CLTB: variants seen among roughly 807,000 people sequenced by gnomAD.
CLTB encodes the protein clathrin, light chain (Lcb).
In CLTB, 10 loss-of-function variants were observed where a neutral mutation model predicts 30.5. That is an observed-to-expected ratio of 0.33 (90% CI 0.20 to 0.56). CLTB has a LOEUF of 0.56. CLTB is among the 20% of genes least tolerant of loss of function. The pLI is 0.91. For missense variants in CLTB, 261 were observed against 308.3 expected (o/e 0.85, Z 1.15); for synonymous variants, 102 against 120.3 (o/e 0.85, Z 1.00).
rs1198265867 is a variant in CLTB, at chr5:176,392,557, T to C, written c.*217A>G. On this transcript the variant is annotated 3_prime_UTR_variant, in exon 6 of 6. Transcript: ENST00000310418. The surrounding 1 kb of genome is among the most constrained non-coding windows in gnomAD (Gnocchi z 5.2). ...AATACATCAGGAGGGACAGTCACAA[T>C]TGAGTAGACTGAGAGGAGGCGTGAG... The C allele has an allele frequency of 2.6e-5, 15 of 566,554 alleles. No individual in the cohort carries two copies. Among genetic ancestry groups the C allele is most frequent in the Non-Finnish European group, 4.1e-5 (13 of 317,314 alleles). The allele number at this position is 566,554 out of a possible 1,614,324, so 35.1% of individuals were successfully genotyped here.
At chr5:176,404,416 G>A (rs1043530436) in intron 2 of CLTB, among the ~76,000 whole-genome samples, 23 of 152,216 alleles carry the variant, frequency 1.5e-4, no homozygotes, top group African/African-American at 4.8e-4. Context: ...TTGGGGCAGC[G>A]GAGCGGAGCC....
Position 176,392,687 on chromosome 5 carries a change from GCT to G in CLTB, c.*85_*86del. On this transcript the variant is annotated 3_prime_UTR_variant, in exon 6 of 6. Transcript: ENST00000310418. The surrounding 1 kb of genome is among the most constrained non-coding windows in gnomAD (Gnocchi z 5.2). Reference sequence around the variant, plus strand: ...GTGGAATAGGCTGTGGGTAGCAGCTGCTGCGAGTCTCCACCCCGACCAAAGCA... The same window carrying G: ...GTGGAATAGGCTGTGGGTAGCAGCTGGCGAGTCTCCACCCCGACCAAAGCA... The G allele has an allele frequency of 1.4e-6, 2 of 1,476,298 alleles. No individual in the cohort carries two copies. Among genetic ancestry groups the G allele is most frequent in the Non-Finnish European group, 1.9e-6 (2 of 1,073,168 alleles). 91.4% of individuals were successfully genotyped at this position (1,476,298 alleles called of 1,614,324 possible).
intron 1 of CLTB, among the ~76,000 whole-genome samples, chr5:176,415,279 G>A (rs1265915738): frequency 2.6e-5 from 4 of 152,182 alleles, no homozygotes; most frequent in South Asian, 4.1e-4. Flanking sequence ...GGGCCCTACC[G>A]CATCTGACTG....
intron 1 of CLTB, among the ~76,000 whole-genome samples, chr5:176,412,124 C>A (rs558191620): frequency 6.8e-6 from 1 of 147,502 alleles, no homozygotes; most frequent in South Asian, 2.2e-4. Context: ...TGCAGTGAGC[C>A]GAGATCCCGC....
At chr5:176,416,104 G>A in intron 1 of CLTB, 73 bp downstream of exon 1, 1 of 1,367,604 alleles carries the variant, frequency 7.3e-7, no homozygotes, top group South Asian at 1.5e-5. Flanking sequence ...TCTCTTCCCT[G>A]TGCCCCTGGG....
At chr5:176,416,156 C>T (rs1384258840) in intron 1 of CLTB, 21 bp downstream of exon 1, 1 of 1,543,674 alleles carries the variant, frequency 6.5e-7, no homozygotes, top group South Asian at 1.2e-5. Flanking sequence ...GAGCCCCTCT[C>T]CAGGCCCCGC....
At chr5:176,414,159 C>T (rs1757581035) in intron 1 of CLTB, among the ~76,000 whole-genome samples, 1 of 152,192 alleles carries the variant, frequency 6.6e-6, no homozygotes, top group South Asian at 2.1e-4. Context: ...CACAAGGCCT[C>T]CCTCCTCTTC....
In CLTB at chr5:176,400,616, G is replaced by A. The variant is rs145913773; in HGVS notation, c.235-2569C>T. Reference sequence around the variant, plus strand: ...ACCCGCTCTGGCACCCACGCCCTCCGCATTCCTGTCTGCAGGCATCCCACT... The same window carrying A: ...ACCCGCTCTGGCACCCACGCCCTCCACATTCCTGTCTGCAGGCATCCCACT... On this transcript the variant is annotated intron_variant, in intron 2 of 5. Transcript: ENST00000310418. Among the ~76,000 whole-genome samples the A allele has an allele frequency of 5.9e-5, 9 of 152,236 alleles. No homozygotes were observed. The East Asian group carries it at 7.7e-4, about 13-fold the overall frequency.
chr5:176,398,108 C>A, intron 2 of CLTB, 61 bp from the exon 3 acceptor site: 2 of 1,492,648 alleles, frequency 1.3e-6, no homozygotes, highest in Non-Finnish European at 1.9e-6. Flanking sequence ...GTCTCTGCTG[C>A]CCCTGCTGGG....
chr5:176,395,589 C>T (rs1479022426), intron 5 of CLTB, among the ~76,000 whole-genome samples: 2 of 152,194 alleles, frequency 1.3e-5, no homozygotes, highest in Non-Finnish European at 2.9e-5. Context: ...CACCACCCTC[C>T]AGGATGTCTC....
intron 2 of CLTB, chr5:176,406,313 C>G (rs1478269035): frequency 9.4e-7 from 1 of 1,066,740 alleles, no homozygotes; most frequent in Non-Finnish European, 1.1e-6. Context: ...ACAGTCAGGG[C>G]CAGGCTTGTC....
At chr5:176,403,035 T>C (rs1756902400) in intron 2 of CLTB, among the ~76,000 whole-genome samples, 1 of 151,046 alleles carries the variant, frequency 6.6e-6, no homozygotes, top group Admixed American at 6.6e-5. Flanking sequence ...GCCATCTCCA[T>C]AAAGCCTGCC....
chr5:176,401,115 C>G (rs1326871429), intron 2 of CLTB, among the ~76,000 whole-genome samples: 1 of 152,200 alleles, frequency 6.6e-6, no homozygotes, highest in Non-Finnish European at 1.5e-5. Flanking sequence ...TTCTGGGGCC[C>G]TTCTCCGGAG....
chr5:176,413,754 G>C (rs1757563557), intron 1 of CLTB, among the ~76,000 whole-genome samples: 2 of 152,216 alleles, frequency 1.3e-5, no homozygotes, highest in Non-Finnish European at 2.9e-5. Flanking sequence ...AGGCTGAGAA[G>C]GTCAGATCAA....
intron 2 of CLTB, among the ~76,000 whole-genome samples, chr5:176,407,870 A>G (rs1757214477): frequency 1.3e-5 from 2 of 152,184 alleles, no homozygotes; most frequent in Non-Finnish European, 2.9e-5. Context: ...GGACTTGGCC[A>G]GTCTCCCTGC....
chr5:176,402,419 T>C (rs1756869631), intron 2 of CLTB, among the ~76,000 whole-genome samples: 1 of 152,256 alleles, frequency 6.6e-6, no homozygotes, highest in African/African-American at 2.4e-5. Flanking sequence ...TCGTGCACTC[T>C]TGCCACACTG....
intron 2 of CLTB, among the ~76,000 whole-genome samples, chr5:176,402,610 C>A (rs1581434018): frequency 6.6e-6 from 1 of 152,226 alleles, no homozygotes; most frequent in South Asian, 2.1e-4. Flanking sequence ...GCAGAGGCTG[C>A]CTGTTTCCAT....
intron 1 of CLTB, among the ~76,000 whole-genome samples, chr5:176,415,292 G>T (rs1490628701): frequency 6.6e-6 from 1 of 152,184 alleles, no homozygotes; most frequent in East Asian, 1.9e-4. Flanking sequence ...TCTGACTGAT[G>T]CCTCTTTGTG....
intron 1 of CLTB, among the ~76,000 whole-genome samples, chr5:176,412,647 G>A (rs1757504945): frequency 6.6e-6 from 1 of 152,110 alleles, no homozygotes; most frequent in East Asian, 1.9e-4. Context: ...TCAAGGGAAG[G>A]GTACTTAATC....
Sources: gnomAD v4.1 joint callset for allele counts (sites outside exome capture counted in the v4.1 genomes callset) on GRCh38, gnomAD v4.1.1 for gene constraint, Gnocchi (gnomAD v3.1) non-coding constraint, MANE v1.5 for transcripts, NCBI Gene and HGNC (gene_info 2026-07-23, HGNC 2026-07-21) for gene names.